The following VLDLR variants were observed in gnomAD, a reference collection of about 807,000 sequenced individuals.
VLDLR encodes the protein very low density lipoprotein receptor.
Under a neutral mutation model 112.7 loss-of-function variants are expected in VLDLR, and 81 were observed. The ratio of observed to expected loss-of-function variants is 0.72; its 90% CI spans 0.60 to 0.86. The LOEUF (loss-of-function observed/expected upper bound fraction) is 0.86. Ranked by LOEUF, VLDLR falls within the 40% of genes least tolerant of loss-of-function variation. The pLI, the probability that VLDLR is intolerant of heterozygous loss-of-function variation, is 0.00. For synonymous variants in VLDLR, 436 were observed against 384.8 expected, an observed-to-expected ratio of 1.13 and a Z score of -1.56; for missense variants, 1,237 against 1,099.4, an observed-to-expected ratio of 1.13 and a Z score of -1.77.
At chr9:2,649,644 G>A (rs139360478) in intron 14 of VLDLR, among the ~76,000 whole-genome samples, 8 of 152,186 alleles carry the variant, frequency 5.3e-5, no homozygotes, top group East Asian at 3.9e-4. Flanking sequence ...TGCCTGCCTC[G>A]GCCTCCTAAA....
At chr9:2,624,178 C>T (rs1239018594) in intron 1 of VLDLR, among the ~76,000 whole-genome samples, 2 of 152,164 alleles carry the variant, frequency 1.3e-5, no homozygotes, top group Non-Finnish European at 2.9e-5. Context: ...CACTTTGTCA[C>T]ATGTGAAATA....
At chr9:2,630,711 C>T (rs943762625) in intron 1 of VLDLR, among the ~76,000 whole-genome samples, 9 of 152,148 alleles carry the variant, frequency 5.9e-5, no homozygotes, top group East Asian at 1.9e-4. Flanking sequence ...TAGACAATGG[C>T]GGCTGACTTC....
chr9:2,651,822 T>C (rs1818362438), intron 16 of VLDLR, 52 bp from the exon 17 acceptor site: 2 of 1,608,176 alleles, frequency 1.2e-6, no homozygotes, highest in Admixed American at 3.3e-5. Context: ...TGGGTAAATT[T>C]CTAAGTCTGA....
At position 2,626,678 on chromosome 9, in the gene VLDLR, T is replaced by C. The variant is rs138604251; in HGVS notation, c.82+4407T>C. On this transcript the variant is annotated intron_variant, in intron 1 of 18. Transcript: ENST00000382100. Reference sequence around the variant, plus strand: ...GAAGCCTCTGGCTAGAGCAGCTGATTTTGCCAACTTGGGGGCCATCTGGGG... The same window carrying C: ...GAAGCCTCTGGCTAGAGCAGCTGATCTTGCCAACTTGGGGGCCATCTGGGG... Among the ~76,000 whole-genome samples, 683 of 152,266 alleles carry C rather than the reference T, an allele frequency of 4.5e-3. 6 individuals carry two copies. The highest frequency in any genetic ancestry group is 0.016 in the African/African-American group (663 of 41,558).
intron 3 of VLDLR, among the ~76,000 whole-genome samples, chr9:2,640,520 A>C (rs917753589): frequency 6.6e-6 from 1 of 152,194 alleles, no homozygotes; most frequent in Admixed American, 6.5e-5. Flanking sequence ...CTTCATAGGT[A>C]TGCAAGTATA....
Position 2,648,359 on chromosome 9 carries a change from C to A in VLDLR, c.1962+12C>A. ...TAACAATATTTGAGGTAAGATGTGT[C>A]TCACATCAAAGTGTGTACCTTTGAG... On this transcript the variant is annotated intron_variant, in intron 13 of 18. Coordinates refer to ENST00000382100, the MANE Select transcript of VLDLR (RefSeq NM_003383.5). 6.2e-7 allele frequency: 1 copy of A among 1,614,044 alleles called. No individual in the cohort carries two copies. Among genetic ancestry groups the A allele is most frequent in the Non-Finnish European group, 8.5e-7 (1 of 1,179,984 alleles).
At chr9:2,647,440 C>T (rs1818124407) in intron 11 of VLDLR, 34 bp from the exon 12 acceptor site, 5 of 1,580,532 alleles carry the variant, frequency 3.2e-6, no homozygotes, top group African/African-American at 1.3e-5. Flanking sequence ...CCTTCTAAAC[C>T]ACTGAGGCTT....
In VLDLR at chr9:2,650,502, G is replaced by A; in HGVS notation, c.2237G>A (p.Gly746Asp). The A allele has an allele frequency of 6.2e-7, 1 of 1,613,710 alleles. No individual in the cohort carries two copies. The highest frequency in any genetic ancestry group is 8.5e-7 in the Non-Finnish European group (1 of 1,179,980). The change falls in exon 15 of 19, where the codon GGC (glycine) becomes GAC (aspartate). Residue 746 changes from glycine (G) to aspartate (D), a missense_variant. By Grantham distance (94) the Gly-to-Asp change is moderately conservative. Transcript: ENST00000382100. ...CPSGYNVEEN[G>D]RDCQSTATTV... ...AGTGGGTACAATGTAGAGGAAAATGGCCGAGACTGTCAAAGTAAGGCATTT... is the reference window on the plus strand; with the variant it reads ...AGTGGGTACAATGTAGAGGAAAATGACCGAGACTGTCAAAGTAAGGCATTT...
intron 7 of VLDLR, among the ~76,000 whole-genome samples, chr9:2,644,489 C>A (rs945665975): frequency 6.6e-6 from 1 of 151,872 alleles, no homozygotes; most frequent in Non-Finnish European, 1.5e-5. Flanking sequence ...TATAGTTTAA[C>A]CTCCTTAAAG....
At position 2,635,324 on chromosome 9, in the gene VLDLR, C is replaced by G. The variant is rs553491004; in HGVS notation, c.83-129C>G. On this transcript the variant is annotated intron_variant, in intron 1 of 18. Transcript: ENST00000382100. ...TCACTGGCTGAAGAGCCATCCTACT[C>G]TGGCCCTTAGGATGTCATAGCCTGC... is the stretch of plus-strand genomic sequence containing the variant. 2.3e-4 allele frequency: 324 copies of G among 1,397,146 alleles called. 1 individual carries two copies. The highest frequency in any genetic ancestry group is 7.8e-4 in the Admixed American group (46 of 59,136). 86.5% of individuals were successfully genotyped at this position (1,397,146 alleles called of 1,614,324 possible). A position where few individuals can be genotyped will look rare whatever the true frequency, so the allele number is the denominator to read the frequency against.
chr9:2,647,569 A>G lies in VLDLR; in HGVS notation c.1799A>G (p.Gln600Arg), dbSNP rs1174796284. 1 of 1,614,178 alleles carries G rather than the reference A, an allele frequency of 6.2e-7. No individual in the cohort carries two copies. The highest frequency in any genetic ancestry group is 8.5e-7 in the Non-Finnish European group (1 of 1,179,978). Residue 600 changes from glutamine (Q) to arginine (R), a missense_variant, in exon 12 of 19, where the codon CAG becomes CGG. Physicochemically the swap from Gln to Arg is conservative, Grantham distance 43. Coordinates refer to ENST00000382100, the MANE Select transcript of VLDLR (RefSeq NM_003383.5). Reference protein sequence around the residue: ...DRRPLVTADIQWPNGITLDLI... With the variant: ...DRRPLVTADIRWPNGITLDLI... ...CGTCCACTGGTGACAGCGGATATCC[A>G]GTGGCCTAACGGAATTACACTTGGT...
intron 1 of VLDLR, among the ~76,000 whole-genome samples, chr9:2,628,773 AGGAT>A (rs2130764834): frequency 6.6e-6 from 1 of 152,308 alleles, no homozygotes; most frequent in East Asian, 1.9e-4. Context: ...CAGGGAGGGA[AGGAT>A]GGATTTTAGA....
chr9:2,651,607 G>GGTAACCTAT, intron 16 of VLDLR, 109 bp downstream of exon 16: 1 of 1,074,996 alleles, frequency 9.3e-7, no homozygotes, highest in South Asian at 1.4e-5. Flanking sequence ...TGCCCCAATT[G>GGTAACCTAT]GTAACCTATA....
intron 10 of VLDLR, 145 bp downstream of exon 10, chr9:2,645,890 C>A: frequency 3.5e-6 from 3 of 853,580 alleles, no homozygotes; most frequent in South Asian, 1.6e-5. Context: ...AATGCTAATT[C>A]TTTATTAAAC....
rs1189926823 is a variant in VLDLR, at chr9:2,650,530, T to C, written c.2251+14T>C. ...GAGACTGTCAAAGTAAGGCATTTTG[T>C]GTTTCAACCACAAGTAGAACCTACA... is the stretch of plus-strand genomic sequence containing the variant. On this transcript the variant is annotated intron_variant, in intron 15 of 18. Transcript: ENST00000382100. 2 of 1,612,674 alleles carry C rather than the reference T, an allele frequency of 1.2e-6. No individual in the cohort carries two copies. Among genetic ancestry groups the C allele is most frequent in the African/African-American group, 2.7e-5 (2 of 74,934 alleles).
intron 15 of VLDLR, among the ~76,000 whole-genome samples, chr9:2,650,845 C>T (rs1016603376): frequency 6.6e-6 from 1 of 152,140 alleles, no homozygotes; most frequent in African/African-American, 2.4e-5. Flanking sequence ...AGAAATTATG[C>T]TTAAGGAAGG....
Position 2,643,427 on chromosome 9 carries a change from G to C in VLDLR, c.716G>C (p.Cys239Ser). The change falls in exon 5 of 19, where the codon TGT becomes TCT. Residue 239 changes from cysteine to serine, a missense_variant. Coordinates refer to ENST00000382100, the MANE Select transcript of VLDLR (RefSeq NM_003383.5). ...CGTCAGCCAGTCATACACACCAAGT[G>C]TCCAGCCAGCGAAATCCAGTGCGGC... ...CGRQPVIHTKCPASEIQCGSG... is the reference protein window; with the variant it reads ...CGRQPVIHTKSPASEIQCGSG... 1 of 1,614,174 alleles carries C rather than the reference G, an allele frequency of 6.2e-7. No homozygotes were observed. Among genetic ancestry groups the C allele is most frequent in the Non-Finnish European group, 8.5e-7 (1 of 1,180,040 alleles).
At position 2,622,457 on chromosome 9, in the gene VLDLR, G is replaced by T. The variant is rs1482880666; in HGVS notation, c.82+186G>T. ...CAGCGCCGAGGCTAAAGGGAGCCGG[G>T]CTTGGGGAACAGCGGGGTTCGGGGT... On this transcript the variant is annotated intron_variant, in intron 1 of 18. Coordinates refer to ENST00000382100, the MANE Select transcript of VLDLR (RefSeq NM_003383.5). 1.2e-5 allele frequency: 6 copies of T among 517,106 alleles called. No individual in the cohort carries two copies. The African/African-American group carries it at 1.2e-4, about 10-fold the overall frequency. 32.0% of individuals were successfully genotyped at this position (517,106 alleles called of 1,614,324 possible).
intron 7 of VLDLR, 31 bp downstream of exon 7, chr9:2,643,990 C>A: frequency 6.2e-7 from 1 of 1,613,796 alleles, no homozygotes; most frequent in Non-Finnish European, 8.5e-7. Flanking sequence ...AGTACAGATC[C>A]TGGAAGTTTG....
Sources: allele counts gnomAD v4.1 joint callset (sites outside exome capture counted in the v4.1 genomes callset), GRCh38; gene constraint gnomAD v4.1.1; transcripts MANE v1.5; gene names NCBI Gene and HGNC (gene_info 2026-07-23, HGNC 2026-07-21).